Variants in PPP1CC observed in about 807,000 individuals in gnomAD.
The protein encoded by PPP1CC is serine/threonine-protein phosphatase PP1-gamma catalytic subunit.
PPP1CC carries 16 observed loss-of-function variants against 38.4 expected under a neutral mutation model. The ratio of observed to expected loss-of-function variants is 0.42; its 90% CI spans 0.28 to 0.63. The LOEUF is 0.63. Among genes scored for constraint, PPP1CC ranks in the 30% least tolerant of loss-of-function variants. The pLI, the probability that PPP1CC is intolerant of heterozygous loss-of-function variation, is 0.25. For missense variants in PPP1CC, 170 were observed against 391.3 expected (o/e 0.43, Z 4.77); for synonymous variants, 158 against 136.0 (o/e 1.16, Z -1.13).
the PPP1CC span, among the ~76,000 whole-genome samples, chr12:110,712,264 G>A: frequency 9.2e-5 from 14 of 151,868 alleles, no homozygotes; most frequent in Non-Finnish European, 1.5e-4. Flanking sequence ...TATTCCCATC[G>A]TTAAGTGACA....
At chr12:110,735,242 T>A (rs1258475602) in intron 1 of PPP1CC, among the ~76,000 whole-genome samples, 1 of 151,600 alleles carries the variant, frequency 6.6e-6, no homozygotes, top group African/African-American at 2.4e-5. Context: ...TCAATGTCCA[T>A]CAAACAGAAT....
At chr12:110,729,855 A>G (rs1298756752) in intron 3 of PPP1CC, among the ~76,000 whole-genome samples, 1 of 152,248 alleles carries the variant, frequency 6.6e-6, no homozygotes, top group Non-Finnish European at 1.5e-5. Flanking sequence ...GAATAATTTT[A>G]TGGAATGAAA....
rs2136536246 is a variant in PPP1CC, at chr12:110,720,401, C to T, written c.*675G>A. On this transcript the variant is annotated 3_prime_UTR_variant, in exon 7 of 7. Transcript: ENST00000335007. Reference sequence around the variant, plus strand: ...CTTAGGGGTGTGTCAAAACATAATTCAACAGAAACTTTGGCTTTAGGAAAG... The same window carrying T: ...CTTAGGGGTGTGTCAAAACATAATTTAACAGAAACTTTGGCTTTAGGAAAG... 2 of 477,820 alleles carry T rather than the reference C, an allele frequency of 4.2e-6. No individual in the cohort carries two copies. The highest frequency in any genetic ancestry group is 3.3e-5 in the East Asian group (1 of 30,238). 29.6% of individuals were successfully genotyped at this position (477,820 alleles called of 1,614,324 possible).
intron 1 of PPP1CC, among the ~76,000 whole-genome samples, chr12:110,736,868 G>GA (rs1232650140): frequency 1.3e-5 from 2 of 152,118 alleles, no homozygotes; most frequent in Non-Finnish European, 2.9e-5. Flanking sequence ...ACATATTAAA[G>GA]AAATAGCATA....
At position 110,720,986 on chromosome 12, in the gene PPP1CC, A is replaced by G. The variant is rs1762710041; in HGVS notation, c.*90T>C. ...GCCCCCACAAACACAGATCTATCTGAGCAAGCTGACCAGTACACATTACAG... is the reference window on the plus strand; with the variant it reads ...GCCCCCACAAACACAGATCTATCTGGGCAAGCTGACCAGTACACATTACAG... On this transcript the variant is annotated 3_prime_UTR_variant, in exon 7 of 7. Transcript: ENST00000335007. The G allele has an allele frequency of 8.7e-7, 1 of 1,144,734 alleles. No individual in the cohort carries two copies. The highest frequency in any genetic ancestry group is 2.5e-5 in the East Asian group (1 of 40,120). 70.9% of individuals were successfully genotyped at this position (1,144,734 alleles called of 1,614,324 possible).
At chr12:110,708,850 C>CAAAAAAA in the PPP1CC span, among the ~76,000 whole-genome samples, 2 of 65,412 alleles carry the variant, frequency 3.1e-5, no homozygotes, top group Non-Finnish European at 6.7e-5. Flanking sequence ...GAGTCCATCT[C>CAAAAAAA]AAAAAAAAAA....
chr12:110,724,918 A>G (rs1267391583), intron 3 of PPP1CC, 154 bp from the exon 4 acceptor site: 1 of 448,448 alleles, frequency 2.2e-6, no homozygotes, highest in Non-Finnish European at 4.1e-6. Context: ...AAACCATCTT[A>G]TTTTAAGGCT....
At chr12:110,736,199 G>C (rs2069942851) in intron 1 of PPP1CC, among the ~76,000 whole-genome samples, 2 of 152,178 alleles carry the variant, frequency 1.3e-5, no homozygotes, top group Non-Finnish European at 2.9e-5. Context: ...GCTAGAAAGG[G>C]AGATTCAGGA....
At chr12:110,742,566 C>A in intron 1 of PPP1CC, 87 bp downstream of exon 1, 2 of 1,164,312 alleles carry the variant, frequency 1.7e-6, no homozygotes, top group Non-Finnish European at 2.3e-6. Flanking sequence ...GCCCAACCGG[C>A]CTCCCAACTC....
At chr12:110,724,915 CTTATT>C in intron 3 of PPP1CC, 151 bp from the exon 4 acceptor site, 1 of 458,392 alleles carries the variant, frequency 2.2e-6, no homozygotes, top group Non-Finnish European at 4.0e-6. Flanking sequence ...ATAAAACCAT[CTTATT>C]TTAAGGCTCT....
the PPP1CC span, among the ~76,000 whole-genome samples, chr12:110,713,818 A>G: frequency 1.3e-5 from 2 of 152,160 alleles, no homozygotes; most frequent in Non-Finnish European, 2.9e-5. Context: ...CTTTCTCAAA[A>G]CTTTCATTCT....
intron 1 of PPP1CC, among the ~76,000 whole-genome samples, chr12:110,741,879 C>T (rs1490863216): frequency 6.6e-6 from 1 of 152,154 alleles, no homozygotes; most frequent in Non-Finnish European, 1.5e-5. Context: ...GCCTGACACA[C>T]AGTAAGCGCT....
chr12:110,719,020 T>C (rs920052490), downstream of PPP1CC, among the ~76,000 whole-genome samples: 4 of 152,278 alleles, frequency 2.6e-5, no homozygotes, highest in South Asian at 6.2e-4. Context: ...CCAATAATGA[T>C]ATAATCCTAG....
At chr12:110,731,576 C>A (rs2136555246) in intron 2 of PPP1CC, among the ~76,000 whole-genome samples, 194 bp downstream of exon 2, 1 of 152,008 alleles carries the variant, frequency 6.6e-6, no homozygotes, top group Middle Eastern at 3.4e-3. Flanking sequence ...TTTTAAAAAT[C>A]TGAAGTACAT....
At chr12:110,715,531 T>C (rs2069680644), downstream of PPP1CC, among the ~76,000 whole-genome samples, 1 of 152,018 alleles carries the variant, frequency 6.6e-6, no homozygotes, top group African/African-American at 2.4e-5. Context: ...GGTGTCACCA[T>C]GTTGCCCATA....
rs1458981014 is a variant in PPP1CC, at chr12:110,719,909, A to G, written c.*1167T>C. 1 of 493,166 alleles carries G rather than the reference A, an allele frequency of 2.0e-6. No homozygotes were observed. The highest frequency in any genetic ancestry group is 3.6e-6 in the Non-Finnish European group (1 of 279,708). 30.5% of individuals were successfully genotyped at this position (493,166 alleles called of 1,614,324 possible). The stretch of plus-strand genomic sequence containing the variant: ...GATAAATAGACACTGAGAAGATTTA[A>G]CAAGTTCATCATTTAATAAGTCTGA... On this transcript the variant is annotated 3_prime_UTR_variant, in exon 7 of 7. Transcript: ENST00000335007.
chr12:110,714,993 C>A (rs187489090), downstream of PPP1CC, among the ~76,000 whole-genome samples: 1 of 151,816 alleles, frequency 6.6e-6, no homozygotes, highest in East Asian at 1.9e-4. Context: ...CTCCCTCTGC[C>A]ACACCTACCT....
In PPP1CC at chr12:110,722,706, AGG is replaced by A; in HGVS notation, c.524-13_524-12del. ...GATCTGGTGATAAACCTATTCAATGAGGAAAAAAAAAAAATGAAGAAAGCAGA... is the reference window on the plus strand; with the variant it reads ...GATCTGGTGATAAACCTATTCAATGAAAAAAAAAAAAATGAAGAAAGCAGA... On this transcript the variant is annotated splice_polypyrimidine_tract_variant and intron_variant, in intron 4 of 6. Coordinates refer to ENST00000335007, the MANE Select transcript of PPP1CC (RefSeq NM_002710.4). The surrounding 1 kb of genome is among the most constrained non-coding windows in gnomAD (Gnocchi z 5.4). 2 of 1,569,198 alleles carry A rather than the reference AGG, an allele frequency of 1.3e-6. No individual in the cohort carries two copies. Among genetic ancestry groups the A allele is most frequent in the Admixed American group, 1.9e-5 (1 of 52,020 alleles).
intron 4 of PPP1CC, among the ~76,000 whole-genome samples, chr12:110,723,419 A>G (rs2069761470): frequency 6.6e-6 from 1 of 152,268 alleles, no homozygotes; most frequent in Admixed American, 6.5e-5. Flanking sequence ...ATTTCAGACC[A>G]TACAGGAAAA....
Sources: allele counts gnomAD v4.1 joint callset (sites outside exome capture counted in the v4.1 genomes callset), GRCh38; gene constraint gnomAD v4.1.1; non-coding constraint Gnocchi (gnomAD v3.1); transcripts MANE v1.5; gene names NCBI Gene and HGNC (gene_info 2026-07-23, HGNC 2026-07-21).